Variants in ALS2 observed in about 807,000 individuals in gnomAD.
The protein encoded by ALS2 is alsin Rho guanine nucleotide exchange factor ALS2, also known as alsin.
Under a neutral mutation model 203.4 loss-of-function variants are expected in ALS2, and 117 were observed. That is an observed-to-expected ratio of 0.58 (90% CI 0.50 to 0.67). ALS2 has a LOEUF of 0.67. Among genes scored for constraint, ALS2 ranks in the 30% least tolerant of loss-of-function variants. The pLI is 0.00. For missense variants in ALS2, 1,715 were observed against 1,989.4 expected (o/e 0.86, Z 2.62); for synonymous variants, 718 against 725.9 (o/e 0.99, Z 0.17).
At position 201,701,602 on chromosome 2, in the gene ALS2, G is replaced by T; in HGVS notation, c.*249C>A. On this transcript the variant is annotated 3_prime_UTR_variant, in exon 34 of 34. Coordinates refer to ENST00000264276, the MANE Select transcript of ALS2 (RefSeq NM_020919.4). The stretch of plus-strand genomic sequence containing the variant: ...CAAATAGTAGATAAATGGTATTTTT[G>T]GAACTTATCATAGGCCAAGAACTGG... The T allele has an allele frequency of 2.4e-6, 1 of 425,082 alleles. No individual in the cohort carries two copies. Among genetic ancestry groups the T allele is most frequent in the Non-Finnish European group, 4.2e-6 (1 of 236,484 alleles). 26.3% of individuals were successfully genotyped at this position (425,082 alleles called of 1,614,324 possible).
chr2:201,753,080 G>T, intron 7 of ALS2, 66 bp downstream of exon 7: 1 of 1,228,620 alleles, frequency 8.1e-7, no homozygotes, highest in Non-Finnish European at 1.2e-6. Context: ...AACAAATGAG[G>T]GTCCAACAAT....
At chr2:201,759,003 T>TA (rs936728548) in intron 4 of ALS2, among the ~76,000 whole-genome samples, 3 of 152,206 alleles carry the variant, frequency 2.0e-5, no homozygotes, top group Non-Finnish European at 4.4e-5. Context: ...TCTTTGGTGA[T>TA]ACAGCTCCCA....
intron 4 of ALS2, chr2:201,759,650 A>G (rs1384536504): frequency 1.0e-6 from 1 of 984,914 alleles, no homozygotes; most frequent in Admixed American, 6.1e-5. Context: ...CAAACAGCTT[A>G]TCCTTGATTT....
chr2:201,713,511 G>GT (rs1690175101), intron 25 of ALS2, among the ~76,000 whole-genome samples: 1 of 152,076 alleles, frequency 6.6e-6, no homozygotes, highest in Non-Finnish European at 1.5e-5. Flanking sequence ...ATTTTTTCAT[G>GT]TTTTTTCTCT....
At position 201,733,451 on chromosome 2, in the gene ALS2, G is replaced by GAA; in HGVS notation, c.2418-15_2418-14dup. The GAA allele has an allele frequency of 6.2e-7, 1 of 1,606,252 alleles. No individual in the cohort carries two copies. The highest frequency in any genetic ancestry group is 2.2e-5 in the East Asian group (1 of 44,680). On this transcript the variant is annotated splice_polypyrimidine_tract_variant and intron_variant, in intron 12 of 33. Coordinates refer to ENST00000264276, the MANE Select transcript of ALS2 (RefSeq NM_020919.4). ...ATTTAGGAAATCACTAGAGGCAGAG[G>GAA]AAAAAAAAATTTAGTTAATCATTTT...
Position 201,727,647 on chromosome 2 carries a change from G to A in ALS2, c.2912+58C>T. ...TCCTGAGCTTTTTTTCACATTTAAGGAAGCAACCTGGGTAACAGACTTGGA... is the reference window on the plus strand; with the variant it reads ...TCCTGAGCTTTTTTTCACATTTAAGAAAGCAACCTGGGTAACAGACTTGGA... On this transcript the variant is annotated intron_variant, in intron 16 of 33. Coordinates refer to ENST00000264276, the MANE Select transcript of ALS2 (RefSeq NM_020919.4). 3 of 1,242,968 alleles carry A rather than the reference G, an allele frequency of 2.4e-6. No individual in the cohort carries two copies. The South Asian group carries it at 3.8e-5, about 16-fold the overall frequency. 77.0% of individuals were successfully genotyped at this position (1,242,968 alleles called of 1,614,324 possible). A position where few individuals can be genotyped will look rare whatever the true frequency, so the allele number is the denominator to read the frequency against.
At position 201,700,579 on chromosome 2, in the gene ALS2, A is replaced by C. The variant is rs1689323471; in HGVS notation, c.*1272T>G. The stretch of plus-strand genomic sequence containing the variant: ...AAAGATGAATGCCTTTTATTATGAA[A>C]ATTGCTGTTACATTACAGCCAACAT... On this transcript the variant is annotated 3_prime_UTR_variant, in exon 34 of 34. Transcript: ENST00000264276. 1 of 152,676 alleles carries C rather than the reference A, an allele frequency of 6.5e-6. No homozygotes were observed. Among genetic ancestry groups the C allele is most frequent in the Admixed American group, 6.5e-5 (1 of 15,286 alleles). 9.5% of individuals were successfully genotyped at this position (152,676 alleles called of 1,614,324 possible).
At chr2:201,707,123 T>A in intron 28 of ALS2, 101 bp from the exon 29 acceptor site, 1 of 1,101,792 alleles carries the variant, frequency 9.1e-7, no homozygotes, top group Non-Finnish European at 1.3e-6. Context: ...AAAGTAGAGA[T>A]GGGAAGTTTT....
intron 23 of ALS2, among the ~76,000 whole-genome samples, chr2:201,721,032 T>A (rs1690760926): frequency 6.6e-6 from 1 of 152,166 alleles, no homozygotes; most frequent in Admixed American, 6.5e-5. Context: ...ATCAACTGCA[T>A]TTTTATATTA....
chr2:201,707,808 T>A (rs1157816940), intron 28 of ALS2, 61 bp downstream of exon 28: 30 of 1,590,974 alleles, frequency 1.9e-5, no homozygotes, highest in Non-Finnish European at 2.6e-5. Flanking sequence ...CTGGGACTCT[T>A]TGAGTAAGAT....
chr2:201,753,199 T>C lies in ALS2; in HGVS notation c.1684A>G (p.Ile562Val), dbSNP rs1208643729. The C allele has an allele frequency of 2.5e-6, 4 of 1,614,008 alleles. No homozygotes were observed. In the Admixed American group the frequency reaches 6.7e-5, roughly 27 times the overall value. Residue 562 changes from isoleucine to valine, a missense_variant, in exon 7 of 34, where the codon ATC becomes GTC. Physicochemically the swap from Ile to Val is conservative, Grantham distance 29. This residue lies in a region of ALS2 where 1,227 missense variants were observed against 1,413.5 expected (regional missense o/e 0.87). Coordinates refer to ENST00000264276, the MANE Select transcript of ALS2 (RefSeq NM_020919.4). ...TGGTAACCACCTGCCTCCAGATGGA[T>C]TACTTCTTTGCCATCCAGACATTTT... ...CVKCLDGKEV[I>V]HLEAGGYHSL...
At chr2:201,733,501 T>A in intron 12 of ALS2, 63 bp from the exon 13 acceptor site, 1 of 1,467,142 alleles carries the variant, frequency 6.8e-7, no homozygotes. Flanking sequence ...GTACATTAAA[T>A]AAAAAATTTC....
At chr2:201,703,570 G>C (rs1409348030) in intron 33 of ALS2, among the ~76,000 whole-genome samples, 2 of 152,086 alleles carry the variant, frequency 1.3e-5, no homozygotes, top group Admixed American at 6.6e-5. Context: ...TCTATCTGCT[G>C]TTTTTTCAAT....
At chr2:201,740,223 A>T (rs894460771) in intron 11 of ALS2, among the ~76,000 whole-genome samples, 2 of 152,266 alleles carry the variant, frequency 1.3e-5, no homozygotes, top group Non-Finnish European at 1.5e-5. Flanking sequence ...GCTTCTTGGG[A>T]GGCTGAGGTG....
intron 10 of ALS2, among the ~76,000 whole-genome samples, chr2:201,743,732 C>T (rs187190053): frequency 2.0e-5 from 3 of 152,324 alleles, no homozygotes; most frequent in Admixed American, 6.5e-5. Flanking sequence ...TCCTCGGCCT[C>T]CCAGAGTGCT....
intron 17 of ALS2, 106 bp from the exon 18 acceptor site, chr2:201,726,972 T>C (rs185033644): frequency 3.3e-5 from 35 of 1,063,746 alleles, no homozygotes; most frequent in Non-Finnish European, 4.9e-5. Context: ...TGTGTCCTAA[T>C]GCTTTTCTTA....
chr2:201,757,754 A>C lies in ALS2; in HGVS notation c.1119T>G (p.Leu373=). 1.9e-6 allele frequency: 3 copies of C among 1,605,962 alleles called. No individual in the cohort carries two copies. The highest frequency in any genetic ancestry group is 2.5e-6 in the Non-Finnish European group (3 of 1,177,680). ...GGAGATTAGGAATTGCTTCTTCTAA[A>C]AGAGGCTAAAATATACACACATAAA... The part of the protein sequence containing the change: ...HGEKPVPSQP[L]LEEAIPNLHS... The change falls in exon 5 of 34, where the codon CTT becomes CTG. Residue 373 remains leucine (L), a synonymous_variant. Coordinates refer to ENST00000264276, the MANE Select transcript of ALS2 (RefSeq NM_020919.4).
chr2:201,773,621 C>T (rs7558424), intron 1 of ALS2, among the ~76,000 whole-genome samples: 25,775 of 152,058 alleles, frequency 0.17, 2,501 homozygotes, highest in East Asian at 0.4. Context: ...AAGTGAATAG[C>T]TGAATATATG....
chr2:201,733,322 T>C lies in ALS2; in HGVS notation c.2534A>G (p.His845Arg). The change falls in exon 13 of 34, where the codon CAT becomes CGT. Residue 845 changes from histidine (H) to arginine (R), a missense_variant. His to Arg is a conservative substitution (Grantham distance 29, BLOSUM62 0). Around this residue, in one of 3 missense-constraint regions of ALS2, gnomAD observed 1,227 missense variants for 1,413.5 expected, o/e 0.87. Coordinates refer to ENST00000264276, the MANE Select transcript of ALS2 (RefSeq NM_020919.4). ...CTTTAGCAAAACTTTTGCGTAATTA[T>C]GAAGTCGTCTGATTGGCAAGAAAAA... The part of the protein sequence containing the change: ...TLFFLPIRRL[H>R]NYAKVLLKLA... The C allele has an allele frequency of 6.2e-7, 1 of 1,613,908 alleles. No homozygotes were observed. The highest frequency in any genetic ancestry group is 8.5e-7 in the Non-Finnish European group (1 of 1,179,910).
Sources: gnomAD v4.1 joint callset for allele counts (sites outside exome capture counted in the v4.1 genomes callset) on GRCh38, gnomAD v4.1.1 for gene constraint, gnomAD v4.1.1 regional missense constraint, MANE v1.5 for transcripts, NCBI Gene and HGNC (gene_info 2026-07-23, HGNC 2026-07-21) for gene names.